Variants in PTK2 observed in about 807,000 individuals in gnomAD.
PTK2 encodes focal adhesion kinase 1.
PTK2 carries 45 observed loss-of-function variants against 150.1 expected under a neutral mutation model. That is an observed-to-expected ratio of 0.30 (90% CI 0.24 to 0.38). PTK2 has a LOEUF of 0.38. PTK2 is among the 10% of genes least tolerant of loss of function. The pLI, the probability that PTK2 is intolerant of heterozygous loss-of-function variation, is 1.00. For missense variants in PTK2, 919 were observed against 1,307.3 expected, an observed-to-expected ratio of 0.70 and a Z score of 4.58; for synonymous variants, 432 against 449.2, an observed-to-expected ratio of 0.96 and a Z score of 0.48.
At chr8:140,806,340 GGTCA>G (rs1486383612) in intron 10 of PTK2, among the ~76,000 whole-genome samples, 1 of 152,044 alleles carries the variant, frequency 6.6e-6, no homozygotes. Flanking sequence ...TAGTTATTTT[GGTCA>G]GTGACAAAAT....
chr8:140,756,054 G>A (rs537544831), intron 16 of PTK2, among the ~76,000 whole-genome samples: 2 of 152,258 alleles, frequency 1.3e-5, no homozygotes, highest in South Asian at 4.2e-4. Flanking sequence ...GCCGGGCATG[G>A]TGGCTCACAT....
intron 27 of PTK2, among the ~76,000 whole-genome samples, chr8:140,676,970 A>C (rs958982407): frequency 1.1e-4 from 17 of 150,270 alleles, no homozygotes; most frequent in Non-Finnish European, 1.8e-4. Context: ...AAAATGACTT[A>C]ATGGGTATAA....
At chr8:140,706,076 A>C in intron 24 of PTK2, 43 bp downstream of exon 27, 1 of 1,490,116 alleles carries the variant, frequency 6.7e-7, no homozygotes, top group South Asian at 1.2e-5. Flanking sequence ...AAAAGCGCTA[A>C]ATAATAAAAT....
intron 24 of PTK2, among the ~76,000 whole-genome samples, chr8:140,703,342 G>A (rs2100031848): frequency 6.6e-6 from 1 of 152,192 alleles, no homozygotes; most frequent in African/African-American, 2.4e-5. Context: ...TAGGTGCCCT[G>A]TAGAAGCTGA....
chr8:140,987,181 C>CT (rs2100193595), intron 1 of PTK2, among the ~76,000 whole-genome samples: 1 of 152,028 alleles, frequency 6.6e-6, no homozygotes, highest in Admixed American at 6.6e-5. Context: ...AAAAAAACAC[C>CT]TTTTTTTAAA....
intron 7 of PTK2, among the ~76,000 whole-genome samples, chr8:140,834,817 A>C (rs1423978593): frequency 1.3e-5 from 2 of 152,200 alleles, no homozygotes; most frequent in Non-Finnish European, 2.9e-5. Context: ...CTATCCTTTA[A>C]GTGAAAGATT....
At position 140,902,935 on chromosome 8, in the gene PTK2, T is replaced by G. The variant is rs1264270787; in HGVS notation, c.-32-12166A>C. ...CTCTGATGAGAGTTGTTTTTTTTTT[T>G]TTTTTTTTTTTTTTTTTTTTTTTTG... On this transcript the variant is annotated intron_variant, in intron 2 of 31. Transcript: ENST00000522684. 1.9e-3 allele frequency among the ~76,000 whole-genome samples: 261 copies of G among 136,926 alleles called. 5 individuals are homozygous for G. The East Asian group carries it at 0.024, about 12-fold the overall frequency. 89.8% of individuals were successfully genotyped at this position (136,926 alleles called of 152,430 possible). A position where few individuals can be genotyped will look rare whatever the true frequency, so the allele number is the denominator to read the frequency against.
At chr8:140,784,794 T>C (rs2154571664) in intron 14 of PTK2, among the ~76,000 whole-genome samples, 1 of 152,348 alleles carries the variant, frequency 6.6e-6, no homozygotes, top group East Asian at 1.9e-4. Context: ...CTGTTAGATA[T>C]TTTTATAAAT....
chr8:140,958,553 A>ATT (rs2100182014), intron 1 of PTK2, among the ~76,000 whole-genome samples: 1 of 152,214 alleles, frequency 6.6e-6, no homozygotes, highest in Non-Finnish European at 1.5e-5. Flanking sequence ...TATCCATCAT[A>ATT]ATCCTCCAAA....
intron 1 of PTK2, among the ~76,000 whole-genome samples, chr8:140,981,141 C>T (rs906415711): frequency 1.3e-5 from 2 of 149,732 alleles, no homozygotes; most frequent in Non-Finnish European, 3.0e-5. Context: ...AAAACAATAT[C>T]ATTCAATGAC....
At chr8:140,878,461 G>A (rs528886178) in intron 4 of PTK2, among the ~76,000 whole-genome samples, 17 of 152,220 alleles carry the variant, frequency 1.1e-4, no homozygotes, top group Admixed American at 3.3e-4. Flanking sequence ...TTAGCTGGGC[G>A]TGGCGGTCTG....
chr8:140,945,592 C>CAA lies in PTK2; in HGVS notation c.-121-19845_-121-19844dup, dbSNP rs145524972. Among the ~76,000 whole-genome samples, 515 of 149,822 alleles carry CAA rather than the reference C, an allele frequency of 3.4e-3. 6 individuals are homozygous for CAA. The highest frequency in any genetic ancestry group is 3.1e-3 in the Non-Finnish European group (209 of 67,400). On this transcript the variant is annotated intron_variant, in intron 1 of 31. Coordinates refer to ENST00000522684, the Ensembl canonical transcript of PTK2. The stretch of plus-strand genomic sequence containing the variant: ...GTGACAAAATGAGACCTTTATTTCT[C>CAA]AAAAAAAAACAAAACAAAAAATATA...
intron 10 of PTK2, among the ~76,000 whole-genome samples, chr8:140,817,690 A>C (rs1277888959): frequency 6.6e-6 from 1 of 152,154 alleles, no homozygotes; most frequent in Non-Finnish European, 1.5e-5. Context: ...TTGTATCTCA[A>C]ACCTCTAGAC....
chr8:140,878,019 A>G (rs1445108041), intron 4 of PTK2, among the ~76,000 whole-genome samples: 1 of 152,184 alleles, frequency 6.6e-6, no homozygotes, highest in Non-Finnish European at 1.5e-5. Context: ...GGAGTTCAAG[A>G]CCAGCCCAAG....
chr8:140,966,927 T>C (rs1667432483), intron 1 of PTK2, among the ~76,000 whole-genome samples: 1 of 152,218 alleles, frequency 6.6e-6, no homozygotes, highest in Non-Finnish European at 1.5e-5. Context: ...CCACCTTGCT[T>C]TCAATGTTCT....
chr8:140,798,634 C>T (rs1017578481), intron 12 of PTK2, among the ~76,000 whole-genome samples: 5 of 152,114 alleles, frequency 3.3e-5, no homozygotes, highest in Non-Finnish European at 7.4e-5. Flanking sequence ...TCATTTAATG[C>T]CTGACATCCG....
chr8:140,828,470 T>C (rs2100113287), intron 8 of PTK2, among the ~76,000 whole-genome samples: 1 of 152,182 alleles, frequency 6.6e-6, no homozygotes, highest in African/African-American at 2.4e-5. Context: ...GACTCCTAAA[T>C]GACAACAGTC....
At chr8:140,773,346 T>C (rs951175009) in intron 14 of PTK2, among the ~76,000 whole-genome samples, 17 of 152,202 alleles carry the variant, frequency 1.1e-4, no homozygotes, top group Non-Finnish European at 5.9e-5. Flanking sequence ...TTTCAAATTA[T>C]TGAGCTTACG....
intron 26 of PTK2, among the ~76,000 whole-genome samples, chr8:140,691,381 ATG>A (rs2100023142): frequency 6.6e-6 from 1 of 152,234 alleles, no homozygotes; most frequent in Admixed American, 6.5e-5. Context: ...ATGTAGCAAT[ATG>A]TGATAGCATT....
Sources: allele counts gnomAD v4.1 joint callset (sites outside exome capture counted in the v4.1 genomes callset), GRCh38; gene constraint gnomAD v4.1.1; transcripts MANE v1.5; gene names NCBI Gene and HGNC (gene_info 2026-07-23, HGNC 2026-07-21).